The following DDX41 variants were observed in gnomAD, a reference collection of about 807,000 sequenced individuals.
DDX41 encodes DEAD-box helicase 41.
In DDX41, 50 loss-of-function variants were observed where a neutral mutation model predicts 78.8. The ratio of observed to expected loss-of-function variants is 0.63; its 90% CI spans 0.51 to 0.80. The LOEUF (loss-of-function observed/expected upper bound fraction) is 0.80. DDX41 is among the 30% of genes least tolerant of loss of function. The pLI, the probability that DDX41 is intolerant of heterozygous loss-of-function variation, is 0.00. For synonymous variants in DDX41, 381 were observed against 321.5 expected (o/e 1.19, Z -1.98); for missense variants, 633 against 849.2 (o/e 0.75, Z 3.16).
In DDX41 at chr5:177,516,353, G is replaced by T. The variant is rs766355942; in HGVS notation, c.233C>A (p.Pro78Gln). 5 of 1,614,078 alleles carry T rather than the reference G, an allele frequency of 3.1e-6. No homozygotes were observed. The South Asian group carries it at 5.5e-5, about 18-fold the overall frequency. Reference protein sequence around the residue: ...SEPRGDEDDIPLGPQSNVSLL... With the variant: ...SEPRGDEDDIQLGPQSNVSLL... ...GCTGACGTTGGACTGAGGGCCTAGC[G>T]GGATGTCGTCCTCATCTCCCCGGGG... The change falls in exon 3 of 17, where the codon CCG becomes CAG. Residue 78 changes from proline to glutamine, a missense_variant. Physicochemically the swap from Pro to Gln is moderately conservative, Grantham distance 76. This residue lies in a region of DDX41 where 140 missense variants were observed against 115.2 expected (regional missense o/e 1.22). Transcript: ENST00000330503.
At chr5:177,515,390 G>GT in intron 6 of DDX41, 132 bp from the exon 7 acceptor site, 1 of 993,926 alleles carries the variant, frequency 1.0e-6, no homozygotes, top group Non-Finnish European at 1.5e-6. Flanking sequence ...GAGAGAGAGT[G>GT]GAAAAAAAAA....
chr5:177,511,794 G>A lies in DDX41; in HGVS notation c.1866C>T (p.Phe622=), dbSNP rs1054860. The A allele has an allele frequency of 4.3e-6, 7 of 1,613,990 alleles. No homozygotes were observed. The Admixed American group carries it at 5.0e-5, about 12-fold the overall frequency. ...KDYLAHSSMD[F] is the part of the protein sequence containing the mutation. Reference sequence around the variant, plus strand: ...GAGAGAAGGGAAGACTGTCGGCTCAGAAGTCCATGGAGCTGTGGGCCAGGT... The same window carrying A: ...GAGAGAAGGGAAGACTGTCGGCTCAAAAGTCCATGGAGCTGTGGGCCAGGT... Residue 622 remains phenylalanine, a synonymous_variant, in exon 17 of 17, where the codon TTC becomes TTT. Transcript: ENST00000330503.
rs1281643148 is a variant in DDX41, at chr5:177,514,385, G to A, written c.935+316C>T. On this transcript the variant is annotated intron_variant, in intron 9 of 16. Transcript: ENST00000330503. The surrounding 1 kb of genome is among the most constrained non-coding windows in gnomAD (Gnocchi z 4.2). ...TGACCCTGACCTTCCTGGGCCGTCC[G>A]CCTCTGTGCTTTCAGCCTGGACTGC... The A allele has an allele frequency of 8.4e-6, 4 of 476,462 alleles. No homozygotes were observed. The highest frequency in any genetic ancestry group is 3.3e-5 in the Admixed American group (1 of 30,166). 29.5% of individuals were successfully genotyped at this position (476,462 alleles called of 1,614,324 possible). A position where few individuals can be genotyped will look rare whatever the true frequency, so the allele number is the denominator to read the frequency against.
In DDX41 at chr5:177,513,429, A is replaced by G. The variant is rs1408564822; in HGVS notation, c.1154T>C (p.Phe385Ser). ...SATMPKKIQN[F>S]AKSALVKPVT... The stretch of plus-strand genomic sequence containing the variant: ...AGGCTTTACAAGGGCACTCTTAGCA[A>G]AGTTCTGAATCTTCTTCGGCATGGT... The change falls in exon 11 of 17, where the codon TTT becomes TCT. Residue 385 changes from phenylalanine to serine, a missense_variant. Physicochemically the swap from Phe to Ser is radical, Grantham distance 155. Coordinates refer to ENST00000330503, the MANE Select transcript of DDX41 (RefSeq NM_016222.4). This position sits in a 1 kb window ranked among gnomAD's most constrained non-coding sequence, Gnocchi z 4.6. The G allele has an allele frequency of 6.2e-7, 1 of 1,614,010 alleles. No individual in the cohort carries two copies. The highest frequency in any genetic ancestry group is 8.5e-7 in the Non-Finnish European group (1 of 1,180,024).
In DDX41 at chr5:177,514,996, T is replaced by G. The variant is rs139112542; in HGVS notation, c.718A>C (p.Ile240Leu). 6.2e-7 allele frequency: 1 copy of G among 1,613,884 alleles called. No individual in the cohort carries two copies. Among genetic ancestry groups the G allele is most frequent in the Non-Finnish European group, 8.5e-7 (1 of 1,179,906 alleles). ...GKTLVFTLPV[I>L]MFCLEQEKRL... is the part of the protein sequence containing the mutation. ...TTCTCTTGTTCCAGGCAGAACATGA[T>G]GACGGGCAACGTGAACACCAGTGTC... The change falls in exon 8 of 17, where the codon ATC becomes CTC. Residue 240 changes from isoleucine (I) to leucine (L), a missense_variant. Ile to Leu is a conservative substitution (Grantham distance 5). This residue lies in a region of DDX41 where 151 missense variants were observed against 169.2 expected (regional missense o/e 0.89). Transcript: ENST00000330503. The surrounding 1 kb of genome is among the most constrained non-coding windows in gnomAD (Gnocchi z 4.2).
chr5:177,514,197 GT>G lies in DDX41; in HGVS notation c.936-351del. The G allele has an allele frequency of 2.0e-6, 1 of 508,026 alleles. No individual in the cohort carries two copies. Among genetic ancestry groups the G allele is most frequent in the Non-Finnish European group, 3.8e-6 (1 of 261,436 alleles). 31.5% of individuals were successfully genotyped at this position (508,026 alleles called of 1,614,324 possible). A position where few individuals can be genotyped will look rare whatever the true frequency, so the allele number is the denominator to read the frequency against. The stretch of plus-strand genomic sequence containing the variant: ...CCATCTCCCTAATACTCAGAAGTCC[GT>G]GGAGGAAGGCCTCCGGGATGGGGTC... On this transcript the variant is annotated intron_variant, in intron 9 of 16. Transcript: ENST00000330503. This position sits in a 1 kb window ranked among gnomAD's most constrained non-coding sequence, Gnocchi z 4.2.
chr5:177,516,864 C>T (rs751937332), intron 1 of DDX41, 29 bp from the exon 2 acceptor site: 7 of 1,613,240 alleles, frequency 4.3e-6, no homozygotes, highest in Non-Finnish European at 5.9e-6. Context: ...CAGGCACGGC[C>T]TGCTCCCCTC....
Position 177,511,679 on chromosome 5 carries a change from T to C in DDX41, c.*112A>G. On this transcript the variant is annotated 3_prime_UTR_variant, in exon 17 of 17. Transcript: ENST00000330503. ...AGGCAGCCAGGACCAGCCTGGCCCATCCCAGGCCAGCTGAGCTGAAATGCT... is the reference window on the plus strand; with the variant it reads ...AGGCAGCCAGGACCAGCCTGGCCCACCCCAGGCCAGCTGAGCTGAAATGCT... 6.9e-7 allele frequency: 1 copy of C among 1,457,338 alleles called. No homozygotes were observed. The highest frequency in any genetic ancestry group is 9.4e-7 in the Non-Finnish European group (1 of 1,058,300). 90.3% of individuals were successfully genotyped at this position (1,457,338 alleles called of 1,614,324 possible).
rs1276523981 is a variant in DDX41, at chr5:177,514,258, C to A, written c.936-411G>T. The A allele has an allele frequency of 4.1e-6, 2 of 489,238 alleles. No individual in the cohort carries two copies. The highest frequency in any genetic ancestry group is 4.6e-5 in the Admixed American group (2 of 43,400). The allele number at this position is 489,238 out of a possible 1,614,324, so 30.3% of individuals were successfully genotyped here. ...TGTGAACAGAGGGCCTGGTCCAGGG[C>A]CTCTGGTGGTCTGCAGAGGACTGCA... On this transcript the variant is annotated intron_variant, in intron 9 of 16. Transcript: ENST00000330503. The surrounding 1 kb of genome is among the most constrained non-coding windows in gnomAD (Gnocchi z 4.2).
rs749014474 is a variant in DDX41, at chr5:177,516,834, C to T, written c.29G>A (p.Arg10Gln). 1 of 1,612,848 alleles carries T rather than the reference C, an allele frequency of 6.2e-7. No homozygotes were observed. The highest frequency in any genetic ancestry group is 1.7e-5 in the Admixed American group (1 of 60,000). Reference protein sequence around the residue: MEESEPERKRARTDEVPAGG... With the variant: MEESEPERKQARTDEVPAGG... The stretch of plus-strand genomic sequence containing the variant: ...GGCAGGCACCTCGTCGGTGCGAGCC[C>T]GCTGCAAGCACACGCCAGTCAGGCA... Residue 10 changes from arginine to glutamine, a missense_variant and splice_region_variant, in exon 2 of 17, where the codon CGG (arginine) becomes CAG (glutamine). Coordinates refer to ENST00000330503, the MANE Select transcript of DDX41 (RefSeq NM_016222.4).
In DDX41 at chr5:177,513,522, G is replaced by A. The variant is rs1561732240; in HGVS notation, c.1099-38C>T. ...GGGGCTGCGACCAAGGGCACACAGG[G>A]CTGGGCTGAGGGGCATGGGGTCTGG... is the stretch of plus-strand genomic sequence containing the variant. On this transcript the variant is annotated intron_variant, in intron 10 of 16. Coordinates refer to ENST00000330503, the MANE Select transcript of DDX41 (RefSeq NM_016222.4). The surrounding 1 kb of genome is among the most constrained non-coding windows in gnomAD (Gnocchi z 4.6). The A allele has an allele frequency of 6.2e-7, 1 of 1,613,934 alleles. No homozygotes were observed. The highest frequency in any genetic ancestry group is 2.2e-5 in the East Asian group (1 of 44,884).
chr5:177,515,111 A>G (rs749253420), intron 7 of DDX41, 42 bp from the exon 8 acceptor site: 6 of 1,612,242 alleles, frequency 3.7e-6, no homozygotes, highest in Non-Finnish European at 4.2e-6. Context: ...TCAACAGAAG[A>G]TGAAGGACAC....
rs146668975 is a variant in DDX41, at chr5:177,512,184, G to A, written c.1644C>T (p.Leu548=). 3.5e-5 allele frequency: 57 copies of A among 1,613,710 alleles called. No homozygotes were observed. In the African/African-American group the frequency reaches 5.7e-4, roughly 16 times the overall value. The change falls in exon 16 of 17, where the codon CTC becomes CTT. Residue 548 remains leucine, a synonymous_variant. Coordinates refer to ENST00000330503, the MANE Select transcript of DDX41 (RefSeq NM_016222.4). The part of the protein sequence containing the change: ...KACDESVLMD[L]KALLLEAKQK... ...GCTTGGCTTCTAGCAGCAGCGCTTT[G>A]AGGTCCATCAGCACTGACTCATCTG...
chr5:177,515,974 T>A lies in DDX41; in HGVS notation c.389A>T (p.Lys130Met), dbSNP rs771853983. 1 of 1,614,112 alleles carries A rather than the reference T, an allele frequency of 6.2e-7. No homozygotes were observed. The highest frequency in any genetic ancestry group is 1.3e-5 in the African/African-American group (1 of 74,936). The change falls in exon 5 of 17, where the codon AAG becomes ATG. Residue 130 changes from lysine to methionine, a missense_variant. Lys to Met is a moderately conservative substitution (Grantham distance 95). Transcript: ENST00000330503. The part of the protein sequence containing the change: ...VAEGRALMSV[K>M]EMAKGITYDD... ...ATACGTAATGCCCTTAGCCATCTCC[T>A]TCACTGACATCAATGCTGAAGAGAG...
At position 177,511,629 on chromosome 5, in the gene DDX41, A is replaced by G. The variant is rs1374047681; in HGVS notation, c.*162T>C. 4 of 957,434 alleles carry G rather than the reference A, an allele frequency of 4.2e-6. No individual in the cohort carries two copies. Among genetic ancestry groups the G allele is most frequent in the Non-Finnish European group, 6.2e-6 (4 of 645,172 alleles). 59.3% of individuals were successfully genotyped at this position (957,434 alleles called of 1,614,324 possible). A position where few individuals can be genotyped will look rare whatever the true frequency, so the allele number is the denominator to read the frequency against. The stretch of plus-strand genomic sequence containing the variant: ...AGCTGGGGTAAAAGGAAACAAAAAC[A>G]GTAATTCTGAAGAGCACAGGGAACA... On this transcript the variant is annotated 3_prime_UTR_variant, in exon 17 of 17. Transcript: ENST00000330503.
intron 12 of DDX41, 26 bp from the exon 13 acceptor site, chr5:177,512,902 A>G: frequency 6.2e-7 from 1 of 1,612,396 alleles, no homozygotes; most frequent in Non-Finnish European, 8.5e-7. Context: ...AACTCCAGTC[A>G]GGGGCTAACT....
chr5:177,515,976 C>CA lies in DDX41; in HGVS notation c.386dup (p.Lys130GlufsTer5). 6.2e-7 allele frequency: 1 copy of CA among 1,614,240 alleles called. No homozygotes were observed. The highest frequency in any genetic ancestry group is 8.5e-7 in the Non-Finnish European group (1 of 1,180,046). ...ACGTAATGCCCTTAGCCATCTCCTTCACTGACATCAATGCTGAAGAGAGAG... is the reference window on the plus strand; with the variant it reads ...ACGTAATGCCCTTAGCCATCTCCTTCAACTGACATCAATGCTGAAGAGAGAG... On this transcript the variant is annotated frameshift_variant, in exon 5 of 17. Coordinates refer to ENST00000330503, the MANE Select transcript of DDX41 (RefSeq NM_016222.4). LOFTEE classifies it high-confidence loss of function.
intron 1 of DDX41, 38 bp from the exon 2 acceptor site, chr5:177,516,873 T>A (rs1761263380): frequency 6.2e-7 from 1 of 1,613,236 alleles, no homozygotes; most frequent in Middle Eastern, 1.6e-4. Context: ...CCTGCTCCCC[T>A]CTTCACGCCC....
In DDX41 at chr5:177,514,906, C is replaced by A; in HGVS notation, c.798+10G>T. On this transcript the variant is annotated intron_variant, in intron 8 of 16. Transcript: ENST00000330503. The surrounding 1 kb of genome is among the most constrained non-coding windows in gnomAD (Gnocchi z 4.2). ...ATCTCTGGCCTGCCCTCCAGGCCAG[C>A]CTATCTTACCGAGGGGCAGATGATG... 6.2e-7 allele frequency: 1 copy of A among 1,603,210 alleles called. No homozygotes were observed. Among genetic ancestry groups the A allele is most frequent in the Non-Finnish European group, 8.5e-7 (1 of 1,171,296 alleles).
Sources: allele counts gnomAD v4.1 joint callset, GRCh38; gene constraint gnomAD v4.1.1; regional missense constraint gnomAD v4.1.1; non-coding constraint Gnocchi (gnomAD v3.1); transcripts MANE v1.5; gene names NCBI Gene and HGNC (gene_info 2026-07-23, HGNC 2026-07-21).